The following NAA20 variants were observed in gnomAD, a reference collection of about 807,000 sequenced individuals.
NAA20 encodes the protein N-alpha-acetyltransferase 20.
A neutral mutation model predicts 23.8 loss-of-function variants in NAA20; 24 were observed. The ratio of observed to expected loss-of-function variants is 1.01; its 90% CI spans 0.73 to 1.42. NAA20 has a LOEUF of 1.42. Among genes scored for constraint, NAA20 ranks in the 40% most tolerant of loss-of-function variants. The probability of loss-of-function intolerance (pLI) is 0.00; values close to 1 mark genes in which losing one functional copy is unlikely to be tolerated. For synonymous variants in NAA20, 83 were observed against 77.7 expected (o/e 1.07, Z -0.36); for missense variants, 166 against 223.1 (o/e 0.74, Z 1.63).
chr20:20,017,899 G>C, intron 1 of NAA20: 1 of 1,598,704 alleles, frequency 6.3e-7, no homozygotes, highest in Non-Finnish European at 8.5e-7. Flanking sequence ...GGCCGCAGAG[G>C]GGGCTTGCGA....
rs575528453 is a variant in NAA20 at position 20,033,457 on chromosome 20, T to C, written c.*270T>C. 5 of 328,876 alleles carry C rather than the reference T, an allele frequency of 1.5e-5. No homozygotes were observed. Among genetic ancestry groups the C allele is most frequent in the African/African-American group, 6.3e-5 (3 of 47,990 alleles). The allele number at this position is 328,876 out of a possible 1,614,324, so 20.4% of individuals were successfully genotyped here. On this transcript the variant is annotated 3_prime_UTR_variant, in exon 6 of 6. Transcript: ENST00000334982. The stretch of plus-strand genomic sequence containing the variant: ...CACTCTCATGGTTCATAGTATTCAC[T>C]GTATGTATGCTAGGGAAAAGACTTG...
intron 4 of NAA20, among the ~76,000 whole-genome samples, chr20:20,027,319 C>A (rs2043313117): frequency 6.6e-6 from 1 of 152,136 alleles, no homozygotes; most frequent in African/African-American, 2.4e-5. Context: ...CAGTTATATT[C>A]TAACTGTTTA....
At chr20:20,026,945 T>C in intron 4 of NAA20, 26 bp downstream of exon 4, 1 of 1,613,786 alleles carries the variant, frequency 6.2e-7, no homozygotes, top group Non-Finnish European at 8.5e-7. Context: ...TCAAATACAC[T>C]TAGTGATTTG....
In NAA20 at chr20:20,032,945, A is replaced by G. The variant is rs537212944; in HGVS notation, c.452-157A>G. Among the ~76,000 whole-genome samples, 14 of 152,330 alleles carry G rather than the reference A, an allele frequency of 9.2e-5. No individual in the cohort carries two copies. In the South Asian group the frequency reaches 2.9e-3, roughly 32 times the overall value. On this transcript the variant is annotated intron_variant, in intron 5 of 5. Transcript: ENST00000334982. ...GGGTGAGGTCTGGTTAGCATCTGGT[A>G]CACTTGGCAATTGGGAGACATTTAT...
At chr20:20,019,886 C>G (rs2043256198) in intron 1 of NAA20, among the ~76,000 whole-genome samples, 1 of 152,150 alleles carries the variant, frequency 6.6e-6, no homozygotes, top group African/African-American at 2.4e-5. Flanking sequence ...ACACCTGGTT[C>G]CCATTTTTTT....
chr20:20,017,333 G>A (rs572500299), upstream of NAA20: 50 of 1,600,866 alleles, frequency 3.1e-5, 1 homozygote, highest in East Asian at 1.1e-3. Context: ...CCACGCTCCG[G>A]GAGACTTCCG....
intron 1 of NAA20, among the ~76,000 whole-genome samples, chr20:20,019,500 A>T (rs2043253679): frequency 6.6e-6 from 1 of 152,246 alleles, no homozygotes; most frequent in Admixed American, 6.5e-5. Flanking sequence ...GAAAATACAC[A>T]GGAACACTTG....
chr20:20,017,579 C>G (rs1022849441), intron 1 of NAA20, 130 bp downstream of exon 1: 9 of 1,358,760 alleles, frequency 6.6e-6, no homozygotes, highest in Non-Finnish European at 8.7e-6. Context: ...GAACCACCCC[C>G]CGCCGGCCAA....
In NAA20 at chr20:20,021,048, G is replaced by C. The variant is rs866637466; in HGVS notation, c.54-1408G>C. 8.2e-3 allele frequency among the ~76,000 whole-genome samples: 1,113 copies of C among 135,962 alleles called. 22 individuals are homozygous for C. The highest frequency in any genetic ancestry group is 0.028 in the African/African-American group (1,050 of 37,854). The allele number at this position is 135,962 out of a possible 152,430, so 89.2% of individuals were successfully genotyped here. On this transcript the variant is annotated intron_variant, in intron 1 of 5. Coordinates refer to ENST00000334982, the MANE Select transcript of NAA20 (RefSeq NM_016100.5). ...CGTGGGTTCGGTGGGCGGGGGGGGGGGGGGACTTTGGCAAAGACTTCTTCC... is the reference window on the plus strand; with the variant it reads ...CGTGGGTTCGGTGGGCGGGGGGGGGCGGGGACTTTGGCAAAGACTTCTTCC...
Position 20,032,528 on chromosome 20 carries a change from A to T in NAA20, c.326A>T (p.Asp109Val). Reference protein sequence around the residue: ...ISERKGGFFVDLFVRVSNQVA... With the variant: ...ISERKGGFFVVLFVRVSNQVA... ...TAAAGAAAGGGTGGATTTTTTGTGG[A>T]TCTCTTTGTAAGAGTATCTAACCAA... Residue 109 changes from aspartate (D) to valine (V), a missense_variant, in exon 5 of 6, where the codon GAT (aspartate) becomes GTT (valine). Physicochemically the swap from Asp to Val is radical, Grantham distance 152. Transcript: ENST00000334982. The T allele has an allele frequency of 6.2e-7, 1 of 1,612,202 alleles. No homozygotes were observed. Among genetic ancestry groups the T allele is most frequent in the Non-Finnish European group, 8.5e-7 (1 of 1,179,272 alleles).
chr20:20,030,619 TATA>T (rs1208107701), intron 4 of NAA20, among the ~76,000 whole-genome samples: 14 of 151,974 alleles, frequency 9.2e-5, no homozygotes, highest in African/African-American at 3.4e-4. Flanking sequence ...ATTATATAAA[TATA>T]AAATCCATAA....
Position 20,033,222 on chromosome 20 carries a change from T to C in NAA20, c.*35T>C, listed in dbSNP as rs2043361333. On this transcript the variant is annotated 3_prime_UTR_variant, in exon 6 of 6. Coordinates refer to ENST00000334982, the MANE Select transcript of NAA20 (RefSeq NM_016100.5). The stretch of plus-strand genomic sequence containing the variant: ...GTGGTTCTTAGGCAGATACTCTAGA[T>C]GCTTTATGGACAATATTATTTTCAT... The C allele has an allele frequency of 6.8e-7, 1 of 1,468,902 alleles. No homozygotes were observed. Among genetic ancestry groups the C allele is most frequent in the Non-Finnish European group, 9.5e-7 (1 of 1,050,986 alleles). The allele number at this position is 1,468,902 out of a possible 1,614,324, so 91.0% of individuals were successfully genotyped here. A position where few individuals can be genotyped will look rare whatever the true frequency, so the allele number is the denominator to read the frequency against.
At chr20:20,017,634 C>G (rs1053590919) in intron 1 of NAA20, 185 bp downstream of exon 1, 1 of 1,316,514 alleles carries the variant, frequency 7.6e-7, no homozygotes, top group Non-Finnish European at 1.0e-6. Context: ...AGAGGTGGGC[C>G]TGGAGTCGAC....
chr20:20,021,695 G>A (rs749452573), intron 1 of NAA20, among the ~76,000 whole-genome samples: 1 of 152,186 alleles, frequency 6.6e-6, no homozygotes, highest in Non-Finnish European at 1.5e-5. Context: ...AATATGATAT[G>A]ACTAGCATTG....
Position 20,032,575 on chromosome 20 carries a change from C to G in NAA20, c.373C>G (p.Gln125Glu), listed in dbSNP as rs757900296. 14 of 1,613,584 alleles carry G rather than the reference C, an allele frequency of 8.7e-6. No individual in the cohort carries two copies. Among genetic ancestry groups the G allele is most frequent in the Admixed American group, 5.0e-5 (3 of 59,952 alleles). ...CCAAGTTGCAGTTAACATGTACAAG[C>G]AGTTGGGCTACAGTGTATATAGGAC... ...SNQVAVNMYK[Q>E]LGYSVYRTVI... Residue 125 changes from glutamine to glutamate, a missense_variant, in exon 5 of 6, where the codon CAG becomes GAG. Coordinates refer to ENST00000334982, the MANE Select transcript of NAA20 (RefSeq NM_016100.5).
rs889273937 is a variant in NAA20, at chr20:20,033,635, T to C, written c.*448T>C. On this transcript the variant is annotated 3_prime_UTR_variant, in exon 6 of 6. Coordinates refer to ENST00000334982, the MANE Select transcript of NAA20 (RefSeq NM_016100.5). ...TACATTATTGACTCTATGAATGTTT[T>C]CTGAAGTTTGTTAGTCATTTGTAAA... is the stretch of plus-strand genomic sequence containing the variant. 2.6e-5 allele frequency: 4 copies of C among 152,878 alleles called. No individual in the cohort carries two copies. The highest frequency in any genetic ancestry group is 7.2e-5 in the African/African-American group (3 of 41,456). 9.5% of individuals were successfully genotyped at this position (152,878 alleles called of 1,614,324 possible).
At chr20:20,023,045 G>C (rs1358174225) in intron 2 of NAA20, among the ~76,000 whole-genome samples, 3 of 152,076 alleles carry the variant, frequency 2.0e-5, no homozygotes, top group African/African-American at 7.2e-5. Flanking sequence ...CAGCACTTTG[G>C]GGGGCCAAGG....
In NAA20 at chr20:20,027,134, T is replaced by C. The variant is rs1471705818; in HGVS notation, c.305+215T>C. Among the ~76,000 whole-genome samples, 4 of 152,346 alleles carry C rather than the reference T, an allele frequency of 2.6e-5. 1 individual carries two copies. Among genetic ancestry groups the C allele is most frequent in the East Asian group, 3.9e-4 (2 of 5,184 alleles). On this transcript the variant is annotated intron_variant, in intron 4 of 5. Coordinates refer to ENST00000334982, the MANE Select transcript of NAA20 (RefSeq NM_016100.5). ...GGCAAAGTGTTGTAGTGACCCGCTATAGGCCTATAAGCTGAGGAATTGGTG... is the reference window on the plus strand; with the variant it reads ...GGCAAAGTGTTGTAGTGACCCGCTACAGGCCTATAAGCTGAGGAATTGGTG...
intron 1 of NAA20, chr20:20,018,016 C>G (rs372716966): frequency 6.2e-7 from 1 of 1,614,224 alleles, no homozygotes; most frequent in Non-Finnish European, 8.5e-7. Context: ...ACTGCGTCCC[C>G]TGCAGCAGAT....
Sources: gnomAD v4.1 joint callset for allele counts (sites outside exome capture counted in the v4.1 genomes callset) on GRCh38, gnomAD v4.1.1 for gene constraint, MANE v1.5 for transcripts, NCBI Gene and HGNC (gene_info 2026-07-23, HGNC 2026-07-21) for gene names.